AP4M1: variants seen among roughly 807,000 people sequenced by gnomAD.
AP4M1 encodes the protein AP-4 complex subunit mu-1.
Under a neutral mutation model 62.4 loss-of-function variants are expected in AP4M1, and 58 were observed. The ratio of observed to expected loss-of-function variants is 0.93; its 90% CI spans 0.75 to 1.16. AP4M1 has a LOEUF of 1.16. Among genes scored for constraint, AP4M1 ranks in the 50% most tolerant of loss-of-function variants. AP4M1 has a pLI of 0.00. For synonymous variants in AP4M1, 290 were observed against 239.7 expected (o/e 1.21, Z -1.94); for missense variants, 626 against 585.4 (o/e 1.07, Z -0.72).
At chr7:100,102,092 A>T (rs1796091849) in intron 2 of AP4M1, 124 bp downstream of exon 2, 1 of 1,133,194 alleles carries the variant, frequency 8.8e-7, no homozygotes, top group African/African-American at 1.5e-5. Flanking sequence ...AAATAAAGCT[A>T]ACGTGAGGCC....
rs758387391 is a variant in AP4M1 at position 100,102,715 on chromosome 7, GCC to G, written c.189_190del (p.Tyr65PhefsTer50). 1.8e-5 allele frequency: 29 copies of G among 1,614,132 alleles called. No homozygotes were observed. The highest frequency in any genetic ancestry group is 3.3e-4 in the Middle Eastern group (2 of 6,060). On this transcript the variant is annotated frameshift_variant, in exon 3 of 15. Transcript: ENST00000359593. LOFTEE classifies it high-confidence loss of function. ...CATTTCATTCACATCAGACACAGCG[GCC>G]TCTATTTGGTGGTCACAACTTCAGA...
In AP4M1 at chr7:100,108,728, C is replaced by G. The variant is rs141545223; in HGVS notation, c.*1846C>G. 2.8e-4 allele frequency: 153 copies of G among 553,134 alleles called. 1 individual carries two copies. The East Asian group carries it at 4.8e-3, about 17-fold the overall frequency. The allele number at this position is 553,134 out of a possible 1,614,324, so 34.3% of individuals were successfully genotyped here. On this transcript the variant is annotated 3_prime_UTR_variant, in exon 15 of 15. Transcript: ENST00000359593. ...TAGTGTGTGTACAGAACACTGTGGG[C>G]TTTCTCATAAGAAAAGATGGGCACG...
chr7:100,101,258 C>A, upstream of AP4M1: 1 of 1,613,184 alleles, frequency 6.2e-7, no homozygotes, highest in Non-Finnish European at 8.5e-7. Context: ...GCTCGTAGAC[C>A]CGTACCCTTC....
Position 100,106,650 on chromosome 7 carries a change from C to T in AP4M1, c.1138-8C>T, listed in dbSNP as rs773499417. The T allele has an allele frequency of 6.2e-7, 1 of 1,612,696 alleles. No homozygotes were observed. Among genetic ancestry groups the T allele is most frequent in the Non-Finnish European group, 8.5e-7 (1 of 1,179,772 alleles). On this transcript the variant is annotated splice_polypyrimidine_tract_variant and splice_region_variant and intron_variant, in intron 14 of 14. Transcript: ENST00000359593. ...CCTCCTTCCTCTCCCTGCCTCTGCC[C>T]CTCACAGATGGACGTCCCAGGGCCC... is the stretch of plus-strand genomic sequence containing the variant.
rs549241595 is a variant in AP4M1, at chr7:100,103,682, G to A, written c.533G>A (p.Arg178His). Residue 178 changes from arginine (R) to histidine (H), a missense_variant, in exon 6 of 15, where the codon CGC (arginine) becomes CAC (histidine). Coordinates refer to ENST00000359593, the MANE Select transcript of AP4M1 (RefSeq NM_004722.4). ...SAASRPVLSS[R>H]SDQSQKNEVF... ...GCCAGCCGCCCCGTCCTGTCCAGTC[G>A]CTCTGACCAGGTGAGGGAAGGATCC... is the stretch of plus-strand genomic sequence containing the variant. 26 of 1,612,230 alleles carry A rather than the reference G, an allele frequency of 1.6e-5. No individual in the cohort carries two copies. Among genetic ancestry groups the A allele is most frequent in the Middle Eastern group, 4.0e-4 (2 of 5,004 alleles).
chr7:100,106,594 C>T, intron 14 of AP4M1, 64 bp from the exon 15 acceptor site: 1 of 986,580 alleles, frequency 1.0e-6, no homozygotes. Flanking sequence ...GCAGCTGCTG[C>T]CTGGTTCCCC....
upstream of AP4M1, chr7:100,101,613 T>C (rs1227773804): frequency 2.4e-6 from 3 of 1,248,244 alleles, no homozygotes; most frequent in Non-Finnish European, 2.3e-6. Context: ...CGGAGGAGAA[T>C]CGCTCTTAAA....
intron 2 of AP4M1, chr7:100,102,345 C>A: frequency 2.0e-6 from 1 of 512,114 alleles, no homozygotes; most frequent in Non-Finnish European, 3.5e-6. Flanking sequence ...GAGCCGAGAT[C>A]CGGACACCGC....
chr7:100,103,887 CAAAAAAAAA>C (rs10671291), intron 6 of AP4M1, among the ~76,000 whole-genome samples, 195 bp downstream of exon 6: 23 of 92,040 alleles, frequency 2.5e-4, no homozygotes, highest in African/African-American at 1.0e-3. Context: ...ACTAAAAATG[CAAAAAAAAA>C]AAAAAAAAAA....
chr7:100,101,341 G>GCT (rs1562902531), upstream of AP4M1: 1 of 1,611,310 alleles, frequency 6.2e-7, no homozygotes, highest in Admixed American at 1.7e-5. Context: ...CAGAGGTCTT[G>GCT]CTCCTGGGGA....
rs199955162 is a variant in AP4M1, at chr7:100,103,585, T to C, written c.463-27T>C. 529 of 1,614,032 alleles carry C rather than the reference T, an allele frequency of 3.3e-4. 27 individuals are homozygous for C. The highest frequency in any genetic ancestry group is 2.8e-3 in the East Asian group (127 of 44,880). On this transcript the variant is annotated intron_variant, in intron 5 of 14. Coordinates refer to ENST00000359593, the MANE Select transcript of AP4M1 (RefSeq NM_004722.4). ...GGTTGGCTGGGGTTGTCAGACCTGA[T>C]GATTGATTGCTTTGGATGCTTTACA...
At chr7:100,102,611 C>T in intron 2 of AP4M1, 64 bp from the exon 3 acceptor site, 27 of 1,462,772 alleles carry the variant, frequency 1.8e-5, no homozygotes, top group Non-Finnish European at 2.5e-5. Flanking sequence ...GCTCAGGTCT[C>T]CTGGGTTCTG....
In AP4M1 at chr7:100,101,653, G is replaced by A. The variant is rs1796041672; in HGVS notation, c.-62G>A. The A allele has an allele frequency of 2.7e-6, 4 of 1,506,402 alleles. No individual in the cohort carries two copies. The highest frequency in any genetic ancestry group is 3.3e-5 in the Admixed American group (2 of 59,820). 93.3% of individuals were successfully genotyped at this position (1,506,402 alleles called of 1,614,324 possible). On this transcript the variant is annotated 5_prime_UTR_variant, in exon 1 of 15. Coordinates refer to ENST00000359593, the MANE Select transcript of AP4M1 (RefSeq NM_004722.4). ...CAGCGCACACGCGTTCTTTTGTTCC[G>A]GGGCCGCAGGGCGGGGCAGGCCCGA...
chr7:100,106,567 C>T, intron 14 of AP4M1, 53 bp downstream of exon 14: 1 of 1,544,432 alleles, frequency 6.5e-7, no homozygotes. Flanking sequence ...TTGCAGCCCC[C>T]ACCCCACCCT....
Position 100,107,041 on chromosome 7 carries a change from G to A in AP4M1, c.*159G>A. On this transcript the variant is annotated 3_prime_UTR_variant, in exon 15 of 15. Transcript: ENST00000359593. ...GGGCAATGGGCCCAGCCTTTCTGTG[G>A]TATCTGATGCAGGAAGGACTGCAGT... 7 of 1,198,266 alleles carry A rather than the reference G, an allele frequency of 5.8e-6. No individual in the cohort carries two copies. Among genetic ancestry groups the A allele is most frequent in the African/African-American group, 1.5e-5 (1 of 66,242 alleles). 74.2% of individuals were successfully genotyped at this position (1,198,266 alleles called of 1,614,324 possible).
chr7:100,107,379 G>A lies in AP4M1; in HGVS notation c.*497G>A. 6.3e-7 allele frequency: 1 copy of A among 1,591,350 alleles called. No homozygotes were observed. The highest frequency in any genetic ancestry group is 8.6e-7 in the Non-Finnish European group (1 of 1,166,210). On this transcript the variant is annotated 3_prime_UTR_variant, in exon 15 of 15. Coordinates refer to ENST00000359593, the MANE Select transcript of AP4M1 (RefSeq NM_004722.4). ...GGCACTGCCGCTGAGTGGGGACGGGGACGATGCCGGGGGAGGAACTGGAGA... is the reference window on the plus strand; with the variant it reads ...GGCACTGCCGCTGAGTGGGGACGGGAACGATGCCGGGGGAGGAACTGGAGA...
In AP4M1 at chr7:100,103,779, C is replaced by T. The variant is rs561221472; in HGVS notation, c.543+87C>T. 6.5e-5 allele frequency: 93 copies of T among 1,428,110 alleles called. No homozygotes were observed. In the Admixed American group the frequency reaches 6.6e-4, roughly 10 times the overall value. 88.5% of individuals were successfully genotyped at this position (1,428,110 alleles called of 1,614,324 possible). On this transcript the variant is annotated intron_variant, in intron 6 of 14. Coordinates refer to ENST00000359593, the MANE Select transcript of AP4M1 (RefSeq NM_004722.4). Reference sequence around the variant, plus strand: ...ATCTTAGGTCGGGCACAGCGGCTCACGCCTGTAGTCCCAGCACTTTGGGAG... The same window carrying T: ...ATCTTAGGTCGGGCACAGCGGCTCATGCCTGTAGTCCCAGCACTTTGGGAG...
chr7:100,106,144 G>A, intron 12 of AP4M1, 97 bp from the exon 13 acceptor site: 2 of 1,553,588 alleles, frequency 1.3e-6, no homozygotes, highest in East Asian at 4.5e-5. Context: ...GGGAAGGTGG[G>A]GGGCACCTGT....
At position 100,106,657 on chromosome 7, in the gene AP4M1, G is replaced by A; in HGVS notation, c.1138-1G>A. On this transcript the variant is annotated splice_acceptor_variant, in intron 14 of 14. Transcript: ENST00000359593. LOFTEE classifies it high-confidence loss of function. ...CCTCTCCCTGCCTCTGCCCCTCACA[G>A]ATGGACGTCCCAGGGCCCCCAGGAC... 6.6e-7 allele frequency: 1 copy of A among 1,505,076 alleles called. No individual in the cohort carries two copies. Among genetic ancestry groups the A allele is most frequent in the Non-Finnish European group, 9.0e-7 (1 of 1,113,988 alleles). 93.2% of individuals were successfully genotyped at this position (1,505,076 alleles called of 1,614,324 possible). A position where few individuals can be genotyped will look rare whatever the true frequency, so the allele number is the denominator to read the frequency against.
Sources: allele counts gnomAD v4.1 joint callset (sites outside exome capture counted in the v4.1 genomes callset), GRCh38; gene constraint gnomAD v4.1.1; transcripts MANE v1.5; gene names NCBI Gene and HGNC (gene_info 2026-07-23, HGNC 2026-07-21).